Variants in FOXP2 observed in about 807,000 individuals in gnomAD.
FOXP2 encodes forkhead box P2.
In FOXP2, 12 loss-of-function variants were observed where a neutral mutation model predicts 115.8. The observed-to-expected ratio is 0.10, with a 90% CI of 0.07 to 0.17. The LOEUF is 0.17. FOXP2 is among the 10% of genes least tolerant of loss of function. The pLI is 1.00. For missense variants in FOXP2, 629 were observed against 843.5 expected (o/e 0.75, Z 3.15); for synonymous variants, 328 against 297.7 (o/e 1.10, Z -1.05).
intron 3 of FOXP2, among the ~76,000 whole-genome samples, chr7:114,616,811 A>G (rs1803975870): frequency 6.6e-6 from 1 of 152,214 alleles, no homozygotes; most frequent in Admixed American, 6.5e-5. Flanking sequence ...ATAGTGGTTC[A>G]TTCCCATAAT....
chr7:114,137,121 A>G (rs576633259), intron 1 of FOXP2, among the ~76,000 whole-genome samples: 4 of 152,012 alleles, frequency 2.6e-5, no homozygotes, highest in Non-Finnish European at 4.4e-5. Flanking sequence ...ATTATTTTGA[A>G]CTCTTCTACT....
At chr7:114,299,081 TTTAA>T (rs745455142) in intron 2 of FOXP2, among the ~76,000 whole-genome samples, 4 of 152,126 alleles carry the variant, frequency 2.6e-5, no homozygotes, top group African/African-American at 4.8e-5. Context: ...TCACTATAGG[TTTAA>T]TTATCTTACA....
rs1801256209 is a variant in FOXP2, at chr7:114,570,721, A to G, written c.258+36015A>G. 7 of 1,026,288 alleles carry G rather than the reference A, an allele frequency of 6.8e-6. No homozygotes were observed. The Admixed American group carries it at 1.2e-4, about 18-fold the overall frequency. The allele number at this position is 1,026,288 out of a possible 1,614,324, so 63.6% of individuals were successfully genotyped here. A position where few individuals can be genotyped will look rare whatever the true frequency, so the allele number is the denominator to read the frequency against. ...ACCAAGATAATAATTCCAAAAAATG[A>G]TTTTTAAAAATGATAATGTACGTTA... On this transcript the variant is annotated intron_variant, in intron 3 of 16. Transcript: ENST00000350908.
intron 3 of FOXP2, among the ~76,000 whole-genome samples, chr7:114,614,904 C>T (rs138964538): frequency 2.3e-4 from 35 of 152,176 alleles, no homozygotes; most frequent in Non-Finnish European, 4.1e-4. Flanking sequence ...GATAAATATG[C>T]CCCCAGATCT....
At chr7:114,348,696 G>T (rs1791406195) in intron 2 of FOXP2, among the ~76,000 whole-genome samples, 4 of 152,044 alleles carry the variant, frequency 2.6e-5, no homozygotes, top group Admixed American at 2.0e-4. Flanking sequence ...ATTAAAAGAG[G>T]CCAGACTGAA....
chr7:114,492,861 TGTG>T (rs2129245312), intron 2 of FOXP2, among the ~76,000 whole-genome samples: 1 of 152,240 alleles, frequency 6.6e-6, no homozygotes, highest in Non-Finnish European at 1.5e-5. Context: ...ATAGGTGTGG[TGTG>T]GTGCTGAAAA....
chr7:114,442,434 C>T (rs2129213101), intron 2 of FOXP2, among the ~76,000 whole-genome samples: 1 of 151,684 alleles, frequency 6.6e-6, no homozygotes, highest in Admixed American at 6.6e-5. Flanking sequence ...ACTTAAAACA[C>T]TGAATTGTAC....
chr7:114,559,687 A>C (rs201757179), intron 3 of FOXP2, among the ~76,000 whole-genome samples: 197 of 151,536 alleles, frequency 1.3e-3, no homozygotes, highest in South Asian at 7.1e-3. Flanking sequence ...TCGAGACCAT[A>C]CTGGCTAACA....
At chr7:114,111,258 C>T (rs1481079469) in intron 1 of FOXP2, among the ~76,000 whole-genome samples, 2 of 152,100 alleles carry the variant, frequency 1.3e-5, no homozygotes, top group African/African-American at 2.4e-5. Flanking sequence ...AGTGCTTGTA[C>T]ATTGGAGCTT....
intron 3 of FOXP2, among the ~76,000 whole-genome samples, chr7:114,551,276 A>G (rs1205661823): frequency 6.6e-6 from 1 of 152,198 alleles, no homozygotes; most frequent in Non-Finnish European, 1.5e-5. Context: ...GGCAGACACC[A>G]GGTACCATAG....
Position 114,378,684 on chromosome 7 carries a change from CAAA to C in FOXP2, c.-10-47803_-10-47801del, listed in dbSNP as rs398005920. 9.3e-3 allele frequency among the ~76,000 whole-genome samples: 168 copies of C among 18,102 alleles called. 6 individuals carry two copies. The South Asian group carries it at 0.2, about 22-fold the overall frequency. 11.9% of individuals were successfully genotyped at this position (18,102 alleles called of 152,430 possible). ...GTGAGACAATGTAAGACCCTGTCTC[CAAA>C]AAAAAAAAAAAAAAGGAAAAGAAAA... is the stretch of plus-strand genomic sequence containing the variant. On this transcript the variant is annotated intron_variant, in intron 2 of 17. Transcript: ENST00000634411.
intron 3 of FOXP2, among the ~76,000 whole-genome samples, chr7:114,550,067 A>T (rs1207152619): frequency 2.0e-5 from 3 of 150,790 alleles, no homozygotes; most frequent in Non-Finnish European, 4.4e-5. Context: ...GGTAATGAGG[A>T]GAGGGAAATA....
At chr7:114,639,027 T>C (rs1403262321) in intron 6 of FOXP2, among the ~76,000 whole-genome samples, 1 of 152,196 alleles carries the variant, frequency 6.6e-6, no homozygotes, top group African/African-American at 2.4e-5. Flanking sequence ...TACAAATGAA[T>C]AGTATCATAG....
In FOXP2 at chr7:114,240,958, T is replaced by G. The variant is rs137857314; in HGVS notation, c.-101-47061T>G. Among the ~76,000 whole-genome samples, 101 of 152,176 alleles carry G rather than the reference T, an allele frequency of 6.6e-4. 1 individual carries two copies. In the East Asian group the frequency reaches 0.015, roughly 22 times the overall value. On this transcript the variant is annotated intron_variant, in intron 1 of 17. Coordinates refer to the FOXP2 transcript ENST00000634411. ...CAGTGAGTTGTTGATAACACTTTTA[T>G]TTTTTTGTATTAATCATATAAAGAT...
rs187705315 is a variant in FOXP2 at position 114,354,094 on chromosome 7, A to G, written c.-11+65985A>G. Among the ~76,000 whole-genome samples the G allele has an allele frequency of 2.8e-3, 420 of 152,268 alleles. 8 individuals carry two copies. The highest frequency in any genetic ancestry group is 7.6e-4 in the Non-Finnish European group (52 of 68,016). ...ATGTTGGGCATCAGCCAGTTCTTTG[A>G]TTGCCGGAATAAAATAAAAGGCAGA... On this transcript the variant is annotated intron_variant, in intron 2 of 17. Coordinates refer to the FOXP2 transcript ENST00000634411.
chr7:114,641,807 T>A lies in FOXP2; in HGVS notation c.776-603T>A, dbSNP rs142334532. Among the ~76,000 whole-genome samples, 1,153 of 152,016 alleles carry A rather than the reference T, an allele frequency of 7.6e-3. 13 individuals carry two copies. Among genetic ancestry groups the A allele is most frequent in the African/African-American group, 0.026 (1,085 of 41,510 alleles). The stretch of plus-strand genomic sequence containing the variant: ...TATTTATTTATTTATTTTTATTTTT[T>A]ATTTTTTTGTTTTTGTTTGAGAGAG... On this transcript the variant is annotated intron_variant, in intron 6 of 16. Transcript: ENST00000350908.
chr7:114,096,392 A>T (rs1162902332), intron 1 of FOXP2, among the ~76,000 whole-genome samples: 1 of 152,216 alleles, frequency 6.6e-6, no homozygotes, highest in East Asian at 1.9e-4. Context: ...ATATTCCTTT[A>T]CTTCCAGAAA....
intron 3 of FOXP2, among the ~76,000 whole-genome samples, chr7:114,557,008 T>C (rs1328131947): frequency 1.3e-5 from 2 of 152,218 alleles, no homozygotes; most frequent in East Asian, 3.8e-4. Context: ...ATTTTCCTTT[T>C]TTTAGTAATT....
intron 2 of FOXP2, among the ~76,000 whole-genome samples, chr7:114,360,845 C>T (rs1191471677): frequency 6.6e-6 from 1 of 152,172 alleles, no homozygotes; most frequent in African/African-American, 2.4e-5. Context: ...AGCCGAATAG[C>T]ATGTCAGCTA....
Sources: allele counts gnomAD v4.1 joint callset (sites outside exome capture counted in the v4.1 genomes callset), GRCh38; gene constraint gnomAD v4.1.1; transcripts MANE v1.5; gene names NCBI Gene and HGNC (gene_info 2026-07-23, HGNC 2026-07-21).